Variants in ARMC9 observed in about 807,000 individuals in gnomAD.
ARMC9 encodes armadillo repeat containing 9.
A neutral mutation model predicts 107.0 loss-of-function variants in ARMC9; 94 were observed. That is an observed-to-expected ratio of 0.88 (90% CI 0.74 to 1.04). The LOEUF (loss-of-function observed/expected upper bound fraction) is 1.04, where lower values mean the gene tolerates loss of function less well. Ranked by LOEUF, ARMC9 falls within the 50% of genes least tolerant of loss-of-function variation. The probability of loss-of-function intolerance (pLI) is 0.00; values close to 1 mark genes in which losing one functional copy is unlikely to be tolerated. For synonymous variants in ARMC9, 380 were observed against 396.9 expected, an observed-to-expected ratio of 0.96 and a Z score of 0.51; for missense variants, 942 against 1,030.1, an observed-to-expected ratio of 0.91 and a Z score of 1.17.
At chr2:231,287,527 T>G (rs538361047) in intron 17 of ARMC9, among the ~76,000 whole-genome samples, 1 of 152,150 alleles carries the variant, frequency 6.6e-6, no homozygotes, top group Non-Finnish European at 1.5e-5. Flanking sequence ...TCACTAGGTA[T>G]GGGCTTTGCT....
chr2:231,357,472 C>T (rs1575176088), intron 22 of ARMC9, among the ~76,000 whole-genome samples: 1 of 152,244 alleles, frequency 6.6e-6, no homozygotes, highest in Non-Finnish European at 1.5e-5. Context: ...CTGCCCTTCT[C>T]CACCTGCCAG....
intron 23 of ARMC9, among the ~76,000 whole-genome samples, chr2:231,366,860 T>TC (rs1288441513): frequency 6.7e-6 from 1 of 148,900 alleles, no homozygotes; most frequent in African/African-American, 2.5e-5. Flanking sequence ...CAAACAAATT[T>TC]TTTTTTTTGA....
chr2:231,355,991 C>T (rs1033863761), intron 22 of ARMC9, 57 bp downstream of exon 22: 19 of 1,488,612 alleles, frequency 1.3e-5, no homozygotes, highest in Non-Finnish European at 1.3e-5. Context: ...CTAGAACCTA[C>T]GCAAAACAGC....
chr2:231,269,573 C>T (rs892865204), intron 12 of ARMC9, among the ~76,000 whole-genome samples: 6 of 151,398 alleles, frequency 4.0e-5, no homozygotes, highest in African/African-American at 1.2e-4. Context: ...TTTGTAGAGA[C>T]GGGGTTTCAC....
intron 21 of ARMC9, 52 bp from the exon 22 acceptor site, chr2:231,355,738 TCGGCAGTC>T (rs1271933186): frequency 6.7e-7 from 1 of 1,484,952 alleles, no homozygotes; most frequent in African/African-American, 1.4e-5. Context: ...CAGTCGGCAG[TCGGCAGTC>T]CGAATCTCCT....
chr2:231,207,215 C>T (rs146026613), intron 2 of ARMC9, among the ~76,000 whole-genome samples: 74 of 152,230 alleles, frequency 4.9e-4, no homozygotes, highest in African/African-American at 1.7e-3. Flanking sequence ...ACTCTGTTGT[C>T]CAAGCTGGTC....
chr2:231,220,552 A>C (rs971256741), intron 5 of ARMC9, among the ~76,000 whole-genome samples: 2 of 148,470 alleles, frequency 1.3e-5, no homozygotes, highest in African/African-American at 2.5e-5. Context: ...AGTCGAGATC[A>C]CACCACTGCG....
At chr2:231,327,443 A>G (rs2043402720) in intron 19 of ARMC9, among the ~76,000 whole-genome samples, 1 of 152,208 alleles carries the variant, frequency 6.6e-6, no homozygotes, top group Non-Finnish European at 1.5e-5. Flanking sequence ...ATAGTATGCA[A>G]CCATTGAGGA....
intron 9 of ARMC9, among the ~76,000 whole-genome samples, chr2:231,250,807 G>A (rs957050302): frequency 1.3e-5 from 2 of 152,218 alleles, no homozygotes; most frequent in Admixed American, 1.3e-4. Context: ...AAGCAGGGGA[G>A]TGGGCAGAGC....
chr2:231,247,513 G>A (rs1216266917), intron 9 of ARMC9, among the ~76,000 whole-genome samples: 2 of 152,118 alleles, frequency 1.3e-5, no homozygotes, highest in African/African-American at 4.8e-5. Flanking sequence ...ATGTGTCCAG[G>A]CCATCTTCCT....
At position 231,237,753 on chromosome 2, in the gene ARMC9, G is replaced by GTATATATA. The variant is rs1226959333; in HGVS notation, c.781-2168_781-2161dup. Among the ~76,000 whole-genome samples the GTATATATA allele has an allele frequency of 2.5e-3, 60 of 24,442 alleles. 1 individual carries two copies. Among genetic ancestry groups the GTATATATA allele is most frequent in the South Asian group, 4.3e-3 (2 of 460 alleles). The allele number at this position is 24,442 out of a possible 152,430, so 16.0% of individuals were successfully genotyped here. ...TTTCATGTATTGTTCTTGGCTATAT[G>GTATATATA]TATATATATATATATATATATATAT... On this transcript the variant is annotated intron_variant, in intron 8 of 24. Coordinates refer to ENST00000611582, the MANE Select transcript of ARMC9 (RefSeq NM_001352754.2).
intron 19 of ARMC9, among the ~76,000 whole-genome samples, chr2:231,324,990 G>A (rs969161426): frequency 2.0e-5 from 3 of 152,178 alleles, no homozygotes; most frequent in Non-Finnish European, 4.4e-5. Flanking sequence ...TTGAGAGTCC[G>A]AGAGGGGTGG....
chr2:231,335,446 G>A (rs889591745), intron 20 of ARMC9, among the ~76,000 whole-genome samples: 2 of 152,158 alleles, frequency 1.3e-5, no homozygotes, highest in Non-Finnish European at 2.9e-5. Flanking sequence ...TGGACCAGTA[G>A]CCCACCTGTT....
intron 16 of ARMC9, among the ~76,000 whole-genome samples, chr2:231,279,191 G>A (rs1361917371): frequency 6.6e-6 from 1 of 152,186 alleles, no homozygotes; most frequent in African/African-American, 2.4e-5. Flanking sequence ...GGCTATACTA[G>A]CGTTTGCTCT....
chr2:231,244,963 C>T (rs1178857973), intron 9 of ARMC9, among the ~76,000 whole-genome samples: 5 of 152,232 alleles, frequency 3.3e-5, no homozygotes, highest in African/African-American at 1.2e-4. Context: ...GAGCAGCTCA[C>T]GGTAGAAACA....
At chr2:231,314,805 A>C (rs1478485113) in intron 19 of ARMC9, among the ~76,000 whole-genome samples, 2 of 152,232 alleles carry the variant, frequency 1.3e-5, no homozygotes, top group Non-Finnish European at 2.9e-5. Context: ...GTTTAGGTAT[A>C]GGACCATTTT....
intron 9 of ARMC9, among the ~76,000 whole-genome samples, chr2:231,249,089 C>T (rs2037049010): frequency 6.6e-6 from 1 of 152,294 alleles, no homozygotes; most frequent in African/African-American, 2.4e-5. Flanking sequence ...TCTTCAGGGG[C>T]TCACTGGTAG....
intron 16 of ARMC9, among the ~76,000 whole-genome samples, chr2:231,281,571 A>G (rs554209088): frequency 6.6e-6 from 1 of 152,296 alleles, no homozygotes; most frequent in East Asian, 1.9e-4. Context: ...CGATGGTTAC[A>G]TTAAAGGGTG....
At chr2:231,354,290 T>G (rs1031825383) in intron 21 of ARMC9, among the ~76,000 whole-genome samples, 7 of 132,764 alleles carry the variant, frequency 5.3e-5, no homozygotes, top group African/African-American at 2.6e-4. Flanking sequence ...AAAAAAAGAC[T>G]GATTGCGCAC....
Sources: gnomAD v4.1 joint callset for allele counts (sites outside exome capture counted in the v4.1 genomes callset) on GRCh38, gnomAD v4.1.1 for gene constraint, MANE v1.5 for transcripts, NCBI Gene and HGNC (gene_info 2026-07-23, HGNC 2026-07-21) for gene names.